The following ZNF385D variants were observed in gnomAD, a reference collection of about 807,000 sequenced individuals.
ZNF385D encodes zinc finger protein 659.
In ZNF385D, 15 loss-of-function variants were observed where a neutral mutation model predicts 35.8. The ratio of observed to expected loss-of-function variants is 0.42; its 90% CI spans 0.28 to 0.64. The LOEUF is 0.64. ZNF385D is among the 30% of genes least tolerant of loss of function. The pLI, the probability that ZNF385D is intolerant of heterozygous loss-of-function variation, is 0.23. For missense variants in ZNF385D, 474 were observed against 494.6 expected, an observed-to-expected ratio of 0.96 and a Z score of 0.39; for synonymous variants, 212 against 186.8, an observed-to-expected ratio of 1.13 and a Z score of -1.10.
At chr3:22,180,719 T>C (rs1222093244) in intron 2 of ZNF385D, among the ~76,000 whole-genome samples, 5 of 152,054 alleles carry the variant, frequency 3.3e-5, no homozygotes, top group South Asian at 4.1e-4. Flanking sequence ...GAAAAGGCCT[T>C]TGACAAAATT....
chr3:22,298,678 A>C (rs888750234), intron 2 of ZNF385D, among the ~76,000 whole-genome samples: 5 of 150,268 alleles, frequency 3.3e-5, no homozygotes, highest in African/African-American at 1.2e-4. Context: ...GGTATGCCTA[A>C]AATTAAAGAT....
intron 3 of ZNF385D, among the ~76,000 whole-genome samples, chr3:21,972,612 A>T (rs1436572265): frequency 6.6e-6 from 1 of 151,936 alleles, no homozygotes; most frequent in Non-Finnish European, 1.5e-5. Context: ...TTGAAAGGTT[A>T]AAACAATATA....
chr3:21,614,492 G>A (rs1559460942), intron 2 of ZNF385D, among the ~76,000 whole-genome samples: 1 of 152,214 alleles, frequency 6.6e-6, no homozygotes, highest in Non-Finnish European at 1.5e-5. Flanking sequence ...GGGTTCCCTT[G>A]ATTGCAGTCA....
chr3:22,309,925 A>G (rs1703445509), intron 2 of ZNF385D, among the ~76,000 whole-genome samples: 1 of 152,038 alleles, frequency 6.6e-6, no homozygotes. Context: ...CCAAAGTATA[A>G]TAAATAGGAG....
At chr3:21,928,625 G>A (rs1021324115) in intron 3 of ZNF385D, among the ~76,000 whole-genome samples, 11 of 152,220 alleles carry the variant, frequency 7.2e-5, no homozygotes, top group Admixed American at 5.2e-4. Context: ...AAATAGTGGG[G>A]AGATAGATTA....
At chr3:22,080,880 C>G (rs1285510235) in intron 3 of ZNF385D, among the ~76,000 whole-genome samples, 3 of 152,050 alleles carry the variant, frequency 2.0e-5, no homozygotes, top group Non-Finnish European at 4.4e-5. Context: ...ATCTATGAAC[C>G]ACGAAACAGA....
intron 3 of ZNF385D, among the ~76,000 whole-genome samples, chr3:22,113,087 G>A (rs1449114747): frequency 6.6e-6 from 1 of 152,046 alleles, no homozygotes; most frequent in African/African-American, 2.4e-5. Context: ...TACACATCAA[G>A]TGCCAACAAT....
intron 4 of ZNF385D, among the ~76,000 whole-genome samples, chr3:21,464,732 A>T (rs180958059): frequency 1.3e-5 from 2 of 151,966 alleles, no homozygotes; most frequent in African/African-American, 4.8e-5. Context: ...AGCTGCCAAA[A>T]AATAAATTAA....
chr3:22,155,383 A>C (rs554282422), intron 3 of ZNF385D, among the ~76,000 whole-genome samples: 1 of 152,202 alleles, frequency 6.6e-6, no homozygotes, highest in South Asian at 2.1e-4. Flanking sequence ...ATATACTCTT[A>C]AGATTTTTTT....
intron 2 of ZNF385D, among the ~76,000 whole-genome samples, chr3:22,324,197 C>G (rs2125449622): frequency 6.6e-6 from 1 of 152,034 alleles, no homozygotes; most frequent in Non-Finnish European, 1.5e-5. Flanking sequence ...TTTTGGTGCT[C>G]CTAATAGGAC....
intron 2 of ZNF385D, among the ~76,000 whole-genome samples, chr3:21,604,188 T>G (rs1007073605): frequency 3.0e-4 from 46 of 152,128 alleles, no homozygotes; most frequent in African/African-American, 1.0e-3. Context: ...ATAATACCAA[T>G]AGAGGGAATA....
At chr3:22,111,870 C>G (rs192618498) in intron 3 of ZNF385D, among the ~76,000 whole-genome samples, 9 of 152,222 alleles carry the variant, frequency 5.9e-5, no homozygotes, top group African/African-American at 2.2e-4. Context: ...GTTTACAGGA[C>G]AGAGAACAAA....
intron 2 of ZNF385D, among the ~76,000 whole-genome samples, chr3:21,607,450 G>C (rs967853209): frequency 2.5e-4 from 38 of 152,110 alleles, no homozygotes; most frequent in African/African-American, 8.9e-4. Context: ...TATAACAAGT[G>C]TATACTCTTT....
Position 21,839,887 on chromosome 3 carries a change from C to A in ZNF385D, c.326-174859G>T, listed in dbSNP as rs578162617. 4.2e-3 allele frequency among the ~76,000 whole-genome samples: 646 copies of A among 152,146 alleles called. 1 individual carries two copies. The highest frequency in any genetic ancestry group is 0.014 in the Middle Eastern group (4 of 294). ...ACTGGAGGGGTCAGAAATTGCCTCCCACTGTGCACCTAAAGACCGAGAGCG... is the reference window on the plus strand; with the variant it reads ...ACTGGAGGGGTCAGAAATTGCCTCCAACTGTGCACCTAAAGACCGAGAGCG... On this transcript the variant is annotated intron_variant, in intron 3 of 5. Transcript: ENST00000494108.
chr3:22,099,831 T>C (rs1701833758), intron 3 of ZNF385D, among the ~76,000 whole-genome samples: 1 of 151,980 alleles, frequency 6.6e-6, no homozygotes, highest in African/African-American at 2.4e-5. Flanking sequence ...GGGCTACTAC[T>C]GTAAGAATGA....
At chr3:21,421,544 C>T in intron 7 of ZNF385D, 97 bp from the exon 8 acceptor site, 1 of 752,080 alleles carries the variant, frequency 1.3e-6, no homozygotes, top group Non-Finnish European at 2.1e-6. Flanking sequence ...TAGCAGTAAA[C>T]AACTATAAAG....
chr3:22,170,076 C>T (rs1694304328), intron 2 of ZNF385D, among the ~76,000 whole-genome samples: 1 of 152,204 alleles, frequency 6.6e-6, no homozygotes, highest in African/African-American at 2.4e-5. Flanking sequence ...CTACCCAAGC[C>T]TCTCTAGCAC....
rs149435432 is a variant in ZNF385D, at chr3:21,951,121, A to G, written c.325+217696T>C. On this transcript the variant is annotated intron_variant, in intron 3 of 5. Coordinates refer to the ZNF385D transcript ENST00000494108. ...GCTTGATGGGGATAGCATTGAATCT[A>G]TAAATTACTTTGGGCAGTATGGCCA... Among the ~76,000 whole-genome samples the G allele has an allele frequency of 1.9e-3, 296 of 151,796 alleles. 10 individuals are homozygous for G. Among genetic ancestry groups the G allele is most frequent in the African/African-American group, 6.9e-3 (284 of 41,124 alleles).
chr3:22,305,098 G>C (rs1163682896), intron 2 of ZNF385D, among the ~76,000 whole-genome samples: 1 of 151,586 alleles, frequency 6.6e-6, no homozygotes, highest in Non-Finnish European at 1.5e-5. Context: ...TTTCGTCTTA[G>C]GTACCTTCCT....
Sources: allele counts gnomAD v4.1 joint callset (sites outside exome capture counted in the v4.1 genomes callset), GRCh38; gene constraint gnomAD v4.1.1; transcripts MANE v1.5; gene names NCBI Gene and HGNC (gene_info 2026-07-23, HGNC 2026-07-21).